The following CIPC variants were observed in gnomAD, a reference collection of about 807,000 sequenced individuals.
The protein encoded by CIPC is CLOCK interacting pacemaker.
CIPC carries 12 observed loss-of-function variants against 26.7 expected under a neutral mutation model. The ratio of observed to expected loss-of-function variants is 0.45; its 90% CI spans 0.29 to 0.73. The LOEUF (loss-of-function observed/expected upper bound fraction) is 0.73, where lower values mean the gene tolerates loss of function less well. Ranked by LOEUF, CIPC falls within the 30% of genes least tolerant of loss-of-function variation. The pLI is 0.12. For missense variants in CIPC, 417 were observed against 486.5 expected, an observed-to-expected ratio of 0.86 and a Z score of 1.34; for synonymous variants, 170 against 189.8, an observed-to-expected ratio of 0.90 and a Z score of 0.86.
At chr14:77,098,767 G>C (rs1048650109) in intron 1 of CIPC, 1 of 152,720 alleles carries the variant, frequency 6.5e-6, no homozygotes, top group Non-Finnish European at 1.5e-5. Flanking sequence ...AGGGTCCTGG[G>C]CTTCCGGTTT....
chr14:77,111,757 G>A (rs1886705953), intron 3 of CIPC, among the ~76,000 whole-genome samples: 1 of 152,162 alleles, frequency 6.6e-6, no homozygotes, highest in Non-Finnish European at 1.5e-5. Context: ...TAGGAGAGTG[G>A]GCATAACAGT....
rs1374882367 is a variant in CIPC at position 77,109,902 on chromosome 14, G to A, written c.227G>A (p.Arg76Lys). Residue 76 changes from arginine to lysine, a missense_variant, in exon 3 of 4, where the codon AGG becomes AAG. Transcript: ENST00000361786. Reference protein sequence around the residue: ...ALGWSREDRPRQNSKTAKNAF... With the variant: ...ALGWSREDRPKQNSKTAKNAF... ...GGCTGGAGCAGAGAAGACAGGCCGA[G>A]GCAGAACTCCAAAACTGCAAAGAAT... is the stretch of plus-strand genomic sequence containing the variant. 6.2e-7 allele frequency: 1 copy of A among 1,614,066 alleles called. No individual in the cohort carries two copies. Among genetic ancestry groups the A allele is most frequent in the African/African-American group, 1.3e-5 (1 of 74,928 alleles).
chr14:77,108,696 A>T (rs1886639066), intron 2 of CIPC, among the ~76,000 whole-genome samples: 1 of 152,136 alleles, frequency 6.6e-6, no homozygotes, highest in African/African-American at 2.4e-5. Flanking sequence ...TGTCTCAAAA[A>T]AAAAAAGGGG....
chr14:77,112,222 A>G (rs755063214), intron 3 of CIPC, among the ~76,000 whole-genome samples: 6 of 152,208 alleles, frequency 3.9e-5, no homozygotes, highest in Non-Finnish European at 7.3e-5. Context: ...GCCTGGCTTT[A>G]TCTATACTCA....
chr14:77,105,747 ACT>A lies in CIPC; in HGVS notation c.44_45del (p.Ser15CysfsTer22), dbSNP rs1886579478. The A allele has an allele frequency of 4.3e-6, 7 of 1,613,976 alleles. No homozygotes were observed. The highest frequency in any genetic ancestry group is 2.2e-5 in the East Asian group (1 of 44,878). ...ACCCATCCAGAGAGAGCCCCAGAAG[ACT>A]CTCTGCCAAAGTAGGCAAAGGCACA... is the stretch of plus-strand genomic sequence containing the variant. ...KNPSRESPRR[L>X]SAKVGKGTEM... On this transcript the variant is annotated frameshift_variant, in exon 2 of 4. Coordinates refer to ENST00000361786, the MANE Select transcript of CIPC (RefSeq NM_033426.3). LOFTEE classifies it high-confidence loss of function.
chr14:77,111,260 A>C (rs1419054362), intron 3 of CIPC, among the ~76,000 whole-genome samples: 1 of 152,168 alleles, frequency 6.6e-6, no homozygotes. Flanking sequence ...CAGCCCACAC[A>C]CACAGTTACG....
chr14:77,110,052 G>A (rs1886664084), intron 3 of CIPC, 71 bp downstream of exon 3: 2 of 1,451,474 alleles, frequency 1.4e-6, no homozygotes, highest in Non-Finnish European at 9.5e-7. Flanking sequence ...TAAAGGAAGA[G>A]ATTTATATTC....
intron 3 of CIPC, among the ~76,000 whole-genome samples, chr14:77,111,584 A>G (rs1237077556): frequency 6.6e-6 from 1 of 152,198 alleles, no homozygotes; most frequent in Non-Finnish European, 1.5e-5. Context: ...ATTAACCACA[A>G]TGGATATCAG....
chr14:77,105,902 T>G, intron 2 of CIPC, 58 bp downstream of exon 2: 1 of 1,599,682 alleles, frequency 6.3e-7, no homozygotes, highest in Non-Finnish European at 8.5e-7. Context: ...GTGAAAAATT[T>G]CCTCCCCAAA....
intron 3 of CIPC, among the ~76,000 whole-genome samples, chr14:77,113,082 C>T (rs552391750): frequency 6.6e-6 from 1 of 152,254 alleles, no homozygotes; most frequent in African/African-American, 2.4e-5. Flanking sequence ...AATGAAGATA[C>T]ACTTTGGTGT....
chr14:77,110,317 T>C (rs1166551763), intron 3 of CIPC, among the ~76,000 whole-genome samples: 1 of 152,168 alleles, frequency 6.6e-6, no homozygotes, highest in African/African-American at 2.4e-5. Flanking sequence ...TTCTAACATA[T>C]GGCAGAGTTT....
At chr14:77,099,729 CCTTTT>C (rs1179596773) in intron 1 of CIPC, among the ~76,000 whole-genome samples, 5 of 152,166 alleles carry the variant, frequency 3.3e-5, no homozygotes, top group African/African-American at 1.2e-4. Flanking sequence ...CATTTCAGAT[CCTTTT>C]CTTGTAACCC....
At chr14:77,105,101 A>G (rs1159348621) in intron 1 of CIPC, among the ~76,000 whole-genome samples, 1 of 152,324 alleles carries the variant, frequency 6.6e-6, no homozygotes, top group South Asian at 2.1e-4. Flanking sequence ...ATGCATGTAT[A>G]GGGAGTTGTT....
In CIPC at chr14:77,113,795, C is replaced by T; in HGVS notation, c.677C>T (p.Ser226Leu). Residue 226 changes from serine (S) to leucine (L), a missense_variant, in exon 4 of 4, where the codon TCA (serine) becomes TTA (leucine). Transcript: ENST00000361786. Reference protein sequence around the residue: ...APPSAKLAEDSALQGVPSLVA... With the variant: ...APPSAKLAEDLALQGVPSLVA... ...CCCAGCGCCAAACTTGCCGAGGACT[C>T]AGCTCTGCAGGGTGTGCCCTCTCTG... 1 of 1,614,086 alleles carries T rather than the reference C, an allele frequency of 6.2e-7. No homozygotes were observed. The highest frequency in any genetic ancestry group is 8.5e-7 in the Non-Finnish European group (1 of 1,179,944).
chr14:77,109,983 TGAG>T lies in CIPC; in HGVS notation c.306+8_306+10del, dbSNP rs758531273. On this transcript the variant is annotated splice_donor_5th_base_variant and intron_variant, in intron 3 of 3. Transcript: ENST00000361786. ...ATGAAGAATGTGCTTGTCAAACAGG[TGAG>T]GAGGACTAATATCACCTAAAGTCTT... 6.2e-7 allele frequency: 1 copy of T among 1,613,856 alleles called. No individual in the cohort carries two copies. The highest frequency in any genetic ancestry group is 8.5e-7 in the Non-Finnish European group (1 of 1,179,846).
rs1423280444 is a variant in CIPC, at chr14:77,116,004, A to G, written c.*1686A>G. 1 of 152,182 alleles carries G rather than the reference A, an allele frequency of 6.6e-6. No individual in the cohort carries two copies. Among genetic ancestry groups the G allele is most frequent in the Non-Finnish European group, 1.5e-5 (1 of 68,030 alleles). 9.4% of individuals were successfully genotyped at this position (152,182 alleles called of 1,614,324 possible). Reference sequence around the variant, plus strand: ...CTCAGCTCAGCTTCACCCTGTCTGCAAAGAAAAGTTTTACCAAGACCAGAA... The same window carrying G: ...CTCAGCTCAGCTTCACCCTGTCTGCGAAGAAAAGTTTTACCAAGACCAGAA... On this transcript the variant is annotated 3_prime_UTR_variant, in exon 4 of 4. Transcript: ENST00000361786.
chr14:77,109,761 A>G, intron 2 of CIPC, 51 bp from the exon 3 acceptor site: 2 of 1,528,994 alleles, frequency 1.3e-6, no homozygotes, highest in Non-Finnish European at 8.9e-7. Context: ...AGCCTGGTTA[A>G]GAGCCCCTAG....
intron 1 of CIPC, among the ~76,000 whole-genome samples, chr14:77,103,705 A>G (rs113631675): frequency 6.6e-6 from 1 of 152,316 alleles, no homozygotes; most frequent in African/African-American, 2.4e-5. Context: ...GCTGTGGACT[A>G]GCTGTTTATC....
chr14:77,115,266 G>C lies in CIPC; in HGVS notation c.*948G>C, dbSNP rs1477490474. The C allele has an allele frequency of 7.5e-6, 1 of 133,124 alleles. No homozygotes were observed. The highest frequency in any genetic ancestry group is 1.6e-5 in the Non-Finnish European group (1 of 61,918). 8.2% of individuals were successfully genotyped at this position (133,124 alleles called of 1,614,324 possible). On this transcript the variant is annotated 3_prime_UTR_variant, in exon 4 of 4. Transcript: ENST00000361786. ...GTTTTTTTTTTTTTTCCTTTATTTT[G>C]ATAAGTGATTATTATGCTTGATAAA...
Sources: allele counts gnomAD v4.1 joint callset (sites outside exome capture counted in the v4.1 genomes callset), GRCh38; gene constraint gnomAD v4.1.1; transcripts MANE v1.5; gene names NCBI Gene and HGNC (gene_info 2026-07-23, HGNC 2026-07-21).